The following TRPM3 variants were observed in gnomAD, a reference collection of about 807,000 sequenced individuals.
The protein encoded by TRPM3 is transient receptor potential cation channel subfamily M member 3, also known as long transient receptor potential channel 3.
Under a neutral mutation model 181.2 loss-of-function variants are expected in TRPM3, and 77 were observed. The ratio of observed to expected loss-of-function variants is 0.42; its 90% CI spans 0.35 to 0.51. The LOEUF is 0.51. TRPM3 is among the 20% of genes least tolerant of loss of function. The pLI is 0.01. For missense variants in TRPM3, 1,759 were observed against 2,196.7 expected, an observed-to-expected ratio of 0.80 and a Z score of 3.98; for synonymous variants, 745 against 796.4, an observed-to-expected ratio of 0.94 and a Z score of 1.09.
intron 1 of TRPM3, among the ~76,000 whole-genome samples, chr9:71,080,596 A>G (rs1038881055): frequency 6.6e-6 from 1 of 152,232 alleles, no homozygotes; most frequent in Non-Finnish European, 1.5e-5. Context: ...TGGCAGTCTT[A>G]TCTCCCACTG....
chr9:70,617,440 G>A (rs1301743547), intron 17 of TRPM3, among the ~76,000 whole-genome samples: 1 of 152,094 alleles, frequency 6.6e-6, no homozygotes, highest in Non-Finnish European at 1.5e-5. Flanking sequence ...TGGGAAATGG[G>A]GCCATATAGG....
chr9:71,407,466 T>A (rs1257075339), intron 1 of TRPM3, among the ~76,000 whole-genome samples: 1 of 152,242 alleles, frequency 6.6e-6, no homozygotes, highest in Non-Finnish European at 1.5e-5. Context: ...CACGGGGCCT[T>A]GCTCACTGCT....
intron 19 of TRPM3, among the ~76,000 whole-genome samples, chr9:70,606,248 A>G (rs905229114): frequency 6.6e-6 from 1 of 152,180 alleles, no homozygotes; most frequent in Non-Finnish European, 1.5e-5. Flanking sequence ...GGCCCAATAA[A>G]TGCTGGCTGA....
intron 1 of TRPM3, among the ~76,000 whole-genome samples, chr9:71,335,521 TCTC>T (rs570588201): frequency 1.3e-4 from 20 of 152,192 alleles, no homozygotes; most frequent in Middle Eastern, 3.4e-3. Context: ...AACTTGAGCA[TCTC>T]CTCATCACTG....
chr9:71,125,493 C>T (rs2073973869), upstream of TRPM3, among the ~76,000 whole-genome samples: 1 of 152,170 alleles, frequency 6.6e-6, no homozygotes. Context: ...TAATGGTTTC[C>T]AGCTCCATCC....
At chr9:71,286,194 AG>A in intron 1 of TRPM3, among the ~76,000 whole-genome samples, 1 of 152,204 alleles carries the variant, frequency 6.6e-6, no homozygotes, top group Non-Finnish European at 1.5e-5. Context: ...TCATCAGACC[AG>A]GTTTAGTAGT....
intron 1 of TRPM3, among the ~76,000 whole-genome samples, chr9:70,929,941 A>T (rs2096759270): frequency 6.6e-6 from 1 of 152,214 alleles, no homozygotes; most frequent in South Asian, 2.1e-4. Context: ...CAACCAGTGG[A>T]TGTACATAAT....
At chr9:71,300,927 A>G (rs1321753659) in intron 1 of TRPM3, among the ~76,000 whole-genome samples, 2 of 152,138 alleles carry the variant, frequency 1.3e-5, no homozygotes, top group Non-Finnish European at 2.9e-5. Context: ...CTTAAGTAGC[A>G]CCTTGAAATT....
At chr9:71,119,995 A>T (rs2073261532) in intron 1 of TRPM3, among the ~76,000 whole-genome samples, 1 of 152,194 alleles carries the variant, frequency 6.6e-6, no homozygotes, top group Non-Finnish European at 1.5e-5. Flanking sequence ...AGTTAATACC[A>T]GTTGGTGTTT....
intron 8 of TRPM3, among the ~76,000 whole-genome samples, chr9:70,753,435 C>G (rs13293360): frequency 1.3e-5 from 2 of 151,888 alleles, no homozygotes; most frequent in Non-Finnish European, 2.9e-5. Context: ...GAGATAAATA[C>G]GAGGATTGGC....
chr9:70,636,573 C>A (rs2057237773), intron 11 of TRPM3, among the ~76,000 whole-genome samples: 2 of 151,976 alleles, frequency 1.3e-5, no homozygotes. Flanking sequence ...ATGTCCCATG[C>A]AATCTTTGGG....
intron 1 of TRPM3, among the ~76,000 whole-genome samples, chr9:71,031,532 T>A (rs1279280105): frequency 6.6e-6 from 1 of 152,144 alleles, no homozygotes; most frequent in Non-Finnish European, 1.5e-5. Context: ...GCCAGATACC[T>A]GACATAAAGT....
chr9:71,385,888 G>C (rs1395803357), intron 1 of TRPM3, among the ~76,000 whole-genome samples: 1 of 151,574 alleles, frequency 6.6e-6, no homozygotes, highest in Non-Finnish European at 1.5e-5. Context: ...TTGGTGGGGG[G>C]TAGAGGCAGG....
At chr9:71,031,975 T>TATATATATATATATATA (rs1173238056) in intron 1 of TRPM3, among the ~76,000 whole-genome samples, 252 of 7,894 alleles carry the variant, frequency 0.032, 9 homozygotes, top group Middle Eastern at 0.17. Context: ...ATATATATTA[T>TATATATATATATATATA]ATATATATAT....
At chr9:70,842,898 C>G (rs1325754645) in intron 5 of TRPM3, 105 bp downstream of exon 5, 16 of 1,145,552 alleles carry the variant, frequency 1.4e-5, no homozygotes, top group South Asian at 5.1e-5. Flanking sequence ...TGAGTAGAGA[C>G]CCAAAGAATA....
At chr9:70,590,176 A>T (rs1339247390) in intron 22 of TRPM3, among the ~76,000 whole-genome samples, 1 of 152,182 alleles carries the variant, frequency 6.6e-6, no homozygotes, top group African/African-American at 2.4e-5. Context: ...ACACTGAAAG[A>T]TGTTTCTTTA....
intron 1 of TRPM3, among the ~76,000 whole-genome samples, chr9:70,925,411 G>A (rs898292765): frequency 6.6e-6 from 1 of 152,084 alleles, no homozygotes; most frequent in African/African-American, 2.4e-5. Flanking sequence ...ATGTTTTAGG[G>A]AGGCTGTGGG....
At chr9:71,096,336 G>A (rs1040081289) in intron 1 of TRPM3, among the ~76,000 whole-genome samples, 3 of 149,512 alleles carry the variant, frequency 2.0e-5, no homozygotes, top group Non-Finnish European at 3.0e-5. Flanking sequence ...ACCCTTCTAG[G>A]ACCTGAAGGA....
At chr9:71,018,710 C>T (rs2097809480) in intron 1 of TRPM3, among the ~76,000 whole-genome samples, 1 of 151,690 alleles carries the variant, frequency 6.6e-6, no homozygotes, top group African/African-American at 2.4e-5. Context: ...GAATTTCTTC[C>T]ACATATTTAA....
Sources: allele counts gnomAD v4.1 joint callset (sites outside exome capture counted in the v4.1 genomes callset), GRCh38; gene constraint gnomAD v4.1.1; transcripts MANE v1.5; gene names NCBI Gene and HGNC (gene_info 2026-07-23, HGNC 2026-07-21).